The following DIAPH2 variants were observed in gnomAD, a reference collection of about 807,000 sequenced individuals.
The protein encoded by DIAPH2 is diaphanous related formin 2.
Under a neutral mutation model 92.7 loss-of-function variants are expected in DIAPH2, and 35 were observed. The ratio of observed to expected loss-of-function variants is 0.38; its 90% CI spans 0.29 to 0.50. The LOEUF (loss-of-function observed/expected upper bound fraction) is 0.50, where lower values mean the gene tolerates loss of function less well. Ranked by LOEUF, DIAPH2 falls within the 20% of genes least tolerant of loss-of-function variation. DIAPH2 has a pLI of 0.94. For synonymous variants in DIAPH2, 301 were observed against 280.4 expected (o/e 1.07, Z -0.73); for missense variants, 701 against 819.5 (o/e 0.86, Z 1.77).
chrX:97,389,200 G>A (rs1207590570), intron 25 of DIAPH2, among the ~76,000 whole-genome samples: 1 of 110,373 alleles, frequency 9.1e-6, no homozygotes, highest in Non-Finnish European at 1.9e-5. Flanking sequence ...CGAGTGCAGA[G>A]GCTCACACCT....
chrX:96,772,564 G>T (rs1437377938), intron 4 of DIAPH2, among the ~76,000 whole-genome samples: 1 of 112,089 alleles, frequency 8.9e-6, no homozygotes, highest in Non-Finnish European at 1.9e-5. Context: ...TGCTTTCTGG[G>T]TCTGCATTGC....
intron 26 of DIAPH2, among the ~76,000 whole-genome samples, chrX:97,496,507 G>GT (rs1479129759): frequency 9.2e-6 from 1 of 108,502 alleles, no homozygotes; most frequent in Non-Finnish European, 1.9e-5. Flanking sequence ...TTGTTCATAT[G>GT]TTAAAAAAAA....
chrX:96,830,703 C>A (rs1483642843), intron 4 of DIAPH2, among the ~76,000 whole-genome samples: 2 of 106,833 alleles, frequency 1.9e-5, no homozygotes, highest in Non-Finnish European at 3.9e-5. Flanking sequence ...AAGGATTTAA[C>A]TTCAAACAGA....
At chrX:97,185,018 C>G (rs2067568319) in intron 22 of DIAPH2, among the ~76,000 whole-genome samples, 1 of 107,415 alleles carries the variant, frequency 9.3e-6, no homozygotes, top group Admixed American at 1.0e-4. Flanking sequence ...GTGGCTCACG[C>G]ATGTAATCCC....
chrX:97,193,012 C>CTTTTTCTTTTCTT, intron 22 of DIAPH2, among the ~76,000 whole-genome samples: 1 of 86,563 alleles, frequency 1.2e-5, no homozygotes, highest in African/African-American at 5.1e-5. Context: ...TTTTTCTTTT[C>CTTTTTCTTTTCTT]TTTTTTTTTT....
In DIAPH2 at chrX:96,957,984, C is replaced by T; in HGVS notation, c.1771C>T (p.Pro591Ser). ...PPPLPGMMGI[P>S]PPPPPPLLFG... ...TCCTTTACCTGGAATGATGGGGATA[C>T]CACCACCACCCCCACCACCACTTTT... The change falls in exon 16 of 27, where the codon CCA becomes TCA. Residue 591 changes from proline to serine, a missense_variant. By Grantham distance (74) the Pro-to-Ser change is moderately conservative. Transcript: ENST00000324765. 2.5e-6 allele frequency: 3 copies of T among 1,207,822 alleles called. No homozygotes were observed. Among genetic ancestry groups the T allele is most frequent in the Non-Finnish European group, 3.4e-6 (3 of 892,837 alleles).
At chrX:97,215,434 T>A (rs151263461) in intron 22 of DIAPH2, among the ~76,000 whole-genome samples, 2 of 111,880 alleles carry the variant, frequency 1.8e-5, no homozygotes, top group Non-Finnish European at 3.8e-5. Context: ...AATTTCTAGT[T>A]CTAACCATCG....
chrX:96,886,475 T>C (rs990870115), intron 5 of DIAPH2, among the ~76,000 whole-genome samples: 7 of 111,148 alleles, frequency 6.3e-5, no homozygotes, highest in Non-Finnish European at 1.3e-4. Context: ...TCAGTGGCCA[T>C]TAGAAAAACC....
At chrX:97,593,939 A>AT (rs780900500) in intron 26 of DIAPH2, among the ~76,000 whole-genome samples, 33 of 111,614 alleles carry the variant, frequency 3.0e-4, no homozygotes, top group African/African-American at 9.7e-4. Flanking sequence ...TTTTAAAAAG[A>AT]TTAATACCTA....
chrX:97,212,593 T>G (rs994632088), intron 22 of DIAPH2, among the ~76,000 whole-genome samples: 1 of 105,056 alleles, frequency 9.5e-6, no homozygotes, highest in Non-Finnish European at 2.0e-5. Flanking sequence ...GTTTTTTGTT[T>G]TTTTTTTTTT....
chrX:97,077,678 TAAAAAAC>T (rs370509695), intron 19 of DIAPH2, among the ~76,000 whole-genome samples: 101 of 111,899 alleles, frequency 9.0e-4, no homozygotes, highest in African/African-American at 2.7e-3. Context: ...TTGTCTTACT[TAAAAAAC>T]AAAAAACAAA....
At chrX:97,304,888 G>A (rs1237187891) in intron 23 of DIAPH2, among the ~76,000 whole-genome samples, 3 of 111,719 alleles carry the variant, frequency 2.7e-5, no homozygotes, top group African/African-American at 9.8e-5. Context: ...ATATAAGAAA[G>A]GACCTATAGT....
At chrX:97,234,725 T>TA (rs2068035390) in intron 22 of DIAPH2, among the ~76,000 whole-genome samples, 1 of 110,767 alleles carries the variant, frequency 9.0e-6, no homozygotes, top group African/African-American at 3.3e-5. Context: ...CTTCTTTTGA[T>TA]TTTTTTTTCA....
intron 4 of DIAPH2, among the ~76,000 whole-genome samples, chrX:96,816,336 T>C (rs2064734781): frequency 1.8e-5 from 2 of 112,052 alleles, no homozygotes; most frequent in Admixed American, 1.9e-4. Context: ...TTCTTTTGGA[T>C]CAATACCTAG....
Position 97,599,447 on chromosome X carries a change from T to C in DIAPH2, c.*130T>C, listed in dbSNP as rs2147890724. ...TCTGCAAAGATCAAGATAAGCTGGATGAAGTAGTGTGCATTTGTAATACTA... is the reference window on the plus strand; with the variant it reads ...TCTGCAAAGATCAAGATAAGCTGGACGAAGTAGTGTGCATTTGTAATACTA... On this transcript the variant is annotated 3_prime_UTR_variant, in exon 27 of 27. Transcript: ENST00000324765. The C allele has an allele frequency of 2.6e-6, 1 of 382,803 alleles. No individual in the cohort carries two copies. Among genetic ancestry groups the C allele is most frequent in the South Asian group, 3.6e-5 (1 of 27,813 alleles). 31.5% of individuals were successfully genotyped at this position (382,803 alleles called of 1,213,427 possible).
Position 97,433,237 on chromosome X carries a change from G to A in DIAPH2, c.3241+3492G>A, listed in dbSNP as rs1037025476. Among the ~76,000 whole-genome samples the A allele has an allele frequency of 5.4e-5, 6 of 111,064 alleles. No homozygotes were observed. The South Asian group carries it at 1.5e-3, about 28-fold the overall frequency. ...TTAATAAAAAACAAAAAGGCTGGGC[G>A]TGGTGGCTCATCCCTATAATCCCAG... On this transcript the variant is annotated intron_variant, in intron 26 of 26. Coordinates refer to ENST00000324765, the MANE Select transcript of DIAPH2 (RefSeq NM_006729.5).
chrX:97,347,182 G>A (rs1489987795), intron 23 of DIAPH2, among the ~76,000 whole-genome samples: 4 of 100,616 alleles, frequency 4.0e-5, no homozygotes, highest in East Asian at 6.5e-4. Context: ...TCCACCTCCC[G>A]AGTTCAAGCA....
At chrX:97,160,427 G>A (rs1045459052) in intron 22 of DIAPH2, among the ~76,000 whole-genome samples, 3 of 112,305 alleles carry the variant, frequency 2.7e-5, no homozygotes, top group Admixed American at 1.9e-4. Flanking sequence ...CTTAATGATT[G>A]CTGCTGCAAA....
At chrX:96,972,010 A>G (rs973868167) in intron 17 of DIAPH2, among the ~76,000 whole-genome samples, 6 of 111,813 alleles carry the variant, frequency 5.4e-5, no homozygotes, top group Non-Finnish European at 1.1e-4. Context: ...AGAAATCAGC[A>G]GGAGGGTCTG....
Sources: gnomAD v4.1 joint callset for allele counts (sites outside exome capture counted in the v4.1 genomes callset) on GRCh38, gnomAD v4.1.1 for gene constraint, MANE v1.5 for transcripts, NCBI Gene and HGNC (gene_info 2026-07-23, HGNC 2026-07-21) for gene names.